The following DACH2 variants were observed in gnomAD, a reference collection of about 807,000 sequenced individuals.
The protein encoded by DACH2 is dachshund homolog 2.
In DACH2, 17 loss-of-function variants were observed where a neutral mutation model predicts 35.8. The observed-to-expected ratio is 0.48, with a 90% CI of 0.33 to 0.71. DACH2 has a LOEUF of 0.71. Ranked by LOEUF, DACH2 falls within the 30% of genes least tolerant of loss-of-function variation. The pLI, the probability that DACH2 is intolerant of heterozygous loss-of-function variation, is 0.02. For synonymous variants in DACH2, 195 were observed against 177.3 expected (o/e 1.10, Z -0.79); for missense variants, 469 against 472.7 (o/e 0.99, Z 0.07).
chrX:86,311,410 T>G (rs766104749), intron 1 of DACH2, among the ~76,000 whole-genome samples: 1 of 111,982 alleles, frequency 8.9e-6, no homozygotes, highest in African/African-American at 3.2e-5. Context: ...AACGGTGGAA[T>G]GGTCTTTTGA....
At chrX:86,234,692 C>A (rs2033019963) in intron 1 of DACH2, among the ~76,000 whole-genome samples, 1 of 109,004 alleles carries the variant, frequency 9.2e-6, no homozygotes, top group Admixed American at 9.8e-5. Flanking sequence ...CGGCTCACTG[C>A]AACTTCTTCC....
rs1169171853 is a variant in DACH2, at chrX:86,354,838, A to T, written c.489-21986A>T. On this transcript the variant is annotated intron_variant, in intron 1 of 11. Transcript: ENST00000373125. ...GTATAATAAAAAAAATAAAATAAAA[A>T]AAAATAAATGAAAAAAAAAAACAAA... Among the ~76,000 whole-genome samples, 6 of 14,011 alleles carry T rather than the reference A, an allele frequency of 4.3e-4. 1 individual carries two copies. Among genetic ancestry groups the T allele is most frequent in the South Asian group, 3.8e-3 (1 of 266 alleles). The allele number at this position is 14,011 out of a possible 115,157, so 12.2% of individuals were successfully genotyped here. A position where few individuals can be genotyped will look rare whatever the true frequency, so the allele number is the denominator to read the frequency against.
chrX:86,458,037 G>A (rs1169277903), intron 2 of DACH2, among the ~76,000 whole-genome samples: 1 of 111,851 alleles, frequency 8.9e-6, no homozygotes, highest in African/African-American at 3.2e-5. Flanking sequence ...TTTAGTGACT[G>A]TATTTTAGTC....
chrX:86,165,748 G>A (rs2030922025), intron 1 of DACH2, among the ~76,000 whole-genome samples: 1 of 110,635 alleles, frequency 9.0e-6, no homozygotes, highest in Non-Finnish European at 1.9e-5. Context: ...TGTCACATGG[G>A]TAGTTTGCAA....
intron 3 of DACH2, among the ~76,000 whole-genome samples, chrX:86,632,111 T>A (rs1170756292): frequency 1.8e-5 from 2 of 111,812 alleles, no homozygotes; most frequent in Non-Finnish European, 3.8e-5. Flanking sequence ...TCCTTTATTC[T>A]GGTCAGTGAC....
At chrX:86,534,464 T>C (rs1223045587) in intron 3 of DACH2, among the ~76,000 whole-genome samples, 1 of 112,232 alleles carries the variant, frequency 8.9e-6, no homozygotes, top group African/African-American at 3.2e-5. Context: ...TATATTTTCT[T>C]CCCTTAATAT....
At chrX:86,160,779 A>G (rs771986311) in intron 1 of DACH2, 43 of 468,657 alleles carry the variant, frequency 9.2e-5, no homozygotes, top group Non-Finnish European at 1.5e-4. Context: ...GTGCATTTCA[A>G]CAGACTTTAT....
intron 3 of DACH2, among the ~76,000 whole-genome samples, chrX:86,620,578 G>T (rs1295455561): frequency 9.0e-6 from 1 of 110,959 alleles, no homozygotes; most frequent in East Asian, 2.8e-4. Context: ...AATCCTCTGA[G>T]TCTCAAACAT....
chrX:86,708,001 T>G (rs1368253882), intron 5 of DACH2, among the ~76,000 whole-genome samples: 1 of 106,869 alleles, frequency 9.4e-6, no homozygotes, highest in Non-Finnish European at 1.9e-5. Context: ...AATCAATTGA[T>G]GTAATCTATT....
intron 6 of DACH2, among the ~76,000 whole-genome samples, chrX:86,739,217 G>T (rs1359395035): frequency 2.7e-5 from 3 of 111,664 alleles, no homozygotes; most frequent in African/African-American, 9.7e-5. Context: ...AGTTATTAAG[G>T]TCTGAGAGGT....
At chrX:86,649,092 T>G (rs1425694295) in intron 3 of DACH2, among the ~76,000 whole-genome samples, 8 of 110,952 alleles carry the variant, frequency 7.2e-5, no homozygotes, top group Non-Finnish European at 1.3e-4. Flanking sequence ...TTTCCTCATC[T>G]GCAAACTGAA....
chrX:86,770,607 T>G (rs1428909403), intron 7 of DACH2, among the ~76,000 whole-genome samples: 1 of 112,190 alleles, frequency 8.9e-6, no homozygotes, highest in African/African-American at 3.2e-5. Context: ...GTTTCTATCA[T>G]TATTTGGTAA....
intron 1 of DACH2, among the ~76,000 whole-genome samples, chrX:86,250,660 T>C (rs1187716338): frequency 9.0e-6 from 1 of 111,574 alleles, no homozygotes; most frequent in Non-Finnish European, 1.9e-5. Context: ...ATAAACAGTG[T>C]TTAAAGGTAA....
chrX:86,596,173 T>C (rs1411955323), intron 3 of DACH2, among the ~76,000 whole-genome samples: 1 of 112,063 alleles, frequency 8.9e-6, no homozygotes, highest in Non-Finnish European at 1.9e-5. Flanking sequence ...TTGATGGACA[T>C]TTGCTGCTAT....
chrX:86,329,949 A>G (rs1365514969), intron 1 of DACH2, among the ~76,000 whole-genome samples: 2 of 111,738 alleles, frequency 1.8e-5, no homozygotes, highest in Non-Finnish European at 1.9e-5. Flanking sequence ...GTTTGAAAGC[A>G]GCTTGGAAGT....
intron 3 of DACH2, among the ~76,000 whole-genome samples, chrX:86,536,081 G>A (rs975284987): frequency 3.6e-5 from 4 of 111,157 alleles, no homozygotes; most frequent in Non-Finnish European, 7.5e-5. Flanking sequence ...AGTTTCAGGG[G>A]AAGGGGAAGG....
At chrX:86,493,186 G>A (rs1055738376) in intron 2 of DACH2, among the ~76,000 whole-genome samples, 2 of 110,465 alleles carry the variant, frequency 1.8e-5, no homozygotes, top group Non-Finnish European at 3.8e-5. Context: ...GTGTAAGATG[G>A]CATCTCCTTG....
intron 2 of DACH2, among the ~76,000 whole-genome samples, chrX:86,445,822 T>A (rs901919467): frequency 9.0e-6 from 1 of 111,016 alleles, no homozygotes; most frequent in African/African-American, 3.3e-5. Flanking sequence ...TTGAGAAGGT[T>A]GTATATTCTG....
At chrX:86,713,708 C>G (rs1053780327) in intron 5 of DACH2, among the ~76,000 whole-genome samples, 33 of 111,563 alleles carry the variant, frequency 3.0e-4, no homozygotes, top group African/African-American at 1.1e-3. Flanking sequence ...AGACTCTGCT[C>G]AAACTCCTTT....
Sources: allele counts gnomAD v4.1 joint callset (sites outside exome capture counted in the v4.1 genomes callset), GRCh38; gene constraint gnomAD v4.1.1; transcripts MANE v1.5; gene names NCBI Gene and HGNC (gene_info 2026-07-23, HGNC 2026-07-21).